The following EPHA6 variants were observed in gnomAD, a reference collection of about 807,000 sequenced individuals.
The protein encoded by EPHA6 is ephrin type-A receptor 6.
A neutral mutation model predicts 112.0 loss-of-function variants in EPHA6; 50 were observed. That is an observed-to-expected ratio of 0.45 (90% confidence interval 0.36 to 0.56). The LOEUF (loss-of-function observed/expected upper bound fraction) is 0.56, where lower values mean the gene tolerates loss of function less well. Among genes scored for constraint, EPHA6 ranks in the 20% least tolerant of loss-of-function variants. EPHA6 has a pLI of 0.00. For missense variants in EPHA6, 1,280 were observed against 1,417.4 expected (o/e 0.90, Z 1.56); for synonymous variants, 529 against 490.7 (o/e 1.08, Z -1.03).
chr3:96,970,284 G>C (rs538895681), intron 2 of EPHA6, among the ~76,000 whole-genome samples: 12 of 147,568 alleles, frequency 8.1e-5, no homozygotes, highest in African/African-American at 3.0e-4. Flanking sequence ...CACACACACA[G>C]AGCGAGAGAG....
At chr3:97,709,563 A>G (rs2033858969) in intron 14 of EPHA6, among the ~76,000 whole-genome samples, 1 of 152,226 alleles carries the variant, frequency 6.6e-6, no homozygotes, top group Admixed American at 6.5e-5. Flanking sequence ...AATGAGTTAC[A>G]ACTTCGAGTG....
intron 2 of EPHA6, among the ~76,000 whole-genome samples, chr3:96,934,605 A>C (rs1054014811): frequency 6.6e-6 from 1 of 151,418 alleles, no homozygotes; most frequent in East Asian, 1.9e-4. Flanking sequence ...GTGTATAACT[A>C]TGTTATAATA....
intron 14 of EPHA6, among the ~76,000 whole-genome samples, chr3:97,686,143 CTA>C (rs921450284): frequency 6.6e-6 from 1 of 152,170 alleles, no homozygotes; most frequent in Middle Eastern, 3.4e-3. Flanking sequence ...ATGAATATAA[CTA>C]TTCATTTGTG....
At chr3:97,529,242 G>T (rs2092667612) in intron 10 of EPHA6, among the ~76,000 whole-genome samples, 1 of 152,052 alleles carries the variant, frequency 6.6e-6, no homozygotes, top group South Asian at 2.1e-4. Flanking sequence ...CCACTTTCTA[G>T]TTGTATCCCT....
At chr3:97,383,599 G>T (rs2085880944) in intron 5 of EPHA6, among the ~76,000 whole-genome samples, 1 of 152,064 alleles carries the variant, frequency 6.6e-6, no homozygotes, top group African/African-American at 2.4e-5. Context: ...TTGAATAAAT[G>T]TTTAAACTTC....
intron 5 of EPHA6, among the ~76,000 whole-genome samples, chr3:97,361,547 G>A (rs1454470370): frequency 2.6e-5 from 4 of 152,134 alleles, no homozygotes; most frequent in Non-Finnish European, 4.4e-5. Flanking sequence ...AAAAGTAGAA[G>A]GTCAAGGGGC....
rs141051451 is a variant in EPHA6 at position 97,150,446 on chromosome 3, G to T, written c.1115-75818G>T. On this transcript the variant is annotated intron_variant, in intron 3 of 17. Coordinates refer to ENST00000389672, the MANE Select transcript of EPHA6 (RefSeq NM_001080448.3). The stretch of plus-strand genomic sequence containing the variant: ...AATCAATGTCTTACTCTGCAGCAAC[G>T]TTTAGGCTACCTTACCTTTTTAACC... Among the ~76,000 whole-genome samples, 83 of 152,174 alleles carry T rather than the reference G, an allele frequency of 5.5e-4. No individual in the cohort carries two copies. The East Asian group carries it at 8.5e-3, about 16-fold the overall frequency.
rs147015884 is a variant in EPHA6, at chr3:97,466,422, T to G, written c.1895-8930T>G. ...CTTGGTTCATTATATTCCATAGGAC[T>G]CTCCATTTCAAGTGACAAAACTGTA... On this transcript the variant is annotated intron_variant, in intron 7 of 17. Transcript: ENST00000389672. 2.0e-3 allele frequency: 3,201 copies of G among 1,597,522 alleles called. 62 individuals carry two copies. In the African/African-American group the frequency reaches 0.039, roughly 19 times the overall value.
At chr3:96,946,421 G>A (rs1332975793) in intron 2 of EPHA6, among the ~76,000 whole-genome samples, 3 of 151,754 alleles carry the variant, frequency 2.0e-5, no homozygotes, top group Admixed American at 6.6e-5. Flanking sequence ...GAGAACATGC[G>A]GTGTTTCGTT....
intron 3 of EPHA6, among the ~76,000 whole-genome samples, chr3:96,989,272 T>A (rs1056807311): frequency 6.6e-6 from 1 of 152,176 alleles, no homozygotes; most frequent in African/African-American, 2.4e-5. Context: ...AGAAGTTCGC[T>A]CAAGCTGCCA....
chr3:97,451,446 G>A lies in EPHA6; in HGVS notation c.1894+2716G>A, dbSNP rs527605370. Among the ~76,000 whole-genome samples, 8 of 151,818 alleles carry A rather than the reference G, an allele frequency of 5.3e-5. No individual in the cohort carries two copies. The East Asian group carries it at 1.2e-3, about 22-fold the overall frequency. ...TGAATTACTGATTCAGGAATGCCGC[G>A]AAAATGACTTTGATTAAAACCTTGA... On this transcript the variant is annotated intron_variant, in intron 7 of 17. Coordinates refer to ENST00000389672, the MANE Select transcript of EPHA6 (RefSeq NM_001080448.3).
intron 9 of EPHA6, chr3:97,481,276 G>A: frequency 6.7e-7 from 1 of 1,501,278 alleles, no homozygotes; most frequent in South Asian, 1.1e-5. Context: ...AATAAATAAT[G>A]AATGTTTTCA....
intron 14 of EPHA6, among the ~76,000 whole-genome samples, chr3:97,654,100 T>G (rs960135383): frequency 6.6e-6 from 1 of 151,850 alleles, no homozygotes; most frequent in African/African-American, 2.4e-5. Flanking sequence ...TGCTAGAAAT[T>G]TGTTAAAAGG....
intron 14 of EPHA6, among the ~76,000 whole-genome samples, chr3:97,711,494 G>A (rs1036967971): frequency 3.3e-5 from 5 of 152,028 alleles, no homozygotes; most frequent in Non-Finnish European, 7.4e-5. Flanking sequence ...CTGCAAGCTG[G>A]AGAACCAGGA....
intron 3 of EPHA6, among the ~76,000 whole-genome samples, chr3:96,996,300 T>C (rs2043419662): frequency 6.6e-6 from 1 of 152,052 alleles, no homozygotes; most frequent in South Asian, 2.1e-4. Context: ...TGAGGGTAGG[T>C]GTTAATTTCT....
chr3:97,692,893 G>A (rs868556079), intron 14 of EPHA6, among the ~76,000 whole-genome samples: 6 of 152,220 alleles, frequency 3.9e-5, no homozygotes, highest in Middle Eastern at 3.4e-3. Context: ...CATTACCAAT[G>A]GTTACCTGAC....
At chr3:97,104,356 C>T (rs922330065) in intron 3 of EPHA6, among the ~76,000 whole-genome samples, 26 of 152,018 alleles carry the variant, frequency 1.7e-4, no homozygotes, top group Middle Eastern at 3.4e-3. Flanking sequence ...TAACAAGAAG[C>T]GATGTTTAAT....
chr3:97,673,274 G>A (rs758123473), intron 14 of EPHA6, among the ~76,000 whole-genome samples: 12 of 152,178 alleles, frequency 7.9e-5, no homozygotes, highest in Non-Finnish European at 1.3e-4. Context: ...GGAAGGCATA[G>A]AGATGGGAAA....
chr3:97,558,715 C>T (rs573969517), intron 11 of EPHA6, among the ~76,000 whole-genome samples: 1 of 151,986 alleles, frequency 6.6e-6, no homozygotes, highest in South Asian at 2.1e-4. Flanking sequence ...GGAAGCAGTA[C>T]AAGGTGTCAA....
Sources: allele counts gnomAD v4.1 joint callset (sites outside exome capture counted in the v4.1 genomes callset), GRCh38; gene constraint gnomAD v4.1.1; transcripts MANE v1.5; gene names NCBI Gene and HGNC (gene_info 2026-07-23, HGNC 2026-07-21).